LGR5: variants seen among roughly 807,000 people sequenced by gnomAD.
LGR5 encodes the protein leucine-rich repeat-containing G protein-coupled receptor 5.
Under a neutral mutation model 76.7 loss-of-function variants are expected in LGR5, and 54 were observed. The ratio of observed to expected loss-of-function variants is 0.70; its 90% CI spans 0.57 to 0.88. The LOEUF (loss-of-function observed/expected upper bound fraction) is 0.88, where lower values mean the gene tolerates loss of function less well. Ranked by LOEUF, LGR5 falls within the 40% of genes least tolerant of loss-of-function variation. LGR5 has a pLI of 0.00. For missense variants in LGR5, 1,078 were observed against 1,073.3 expected (o/e 1.00, Z -0.06); for synonymous variants, 406 against 421.9 (o/e 0.96, Z 0.46).
At chr12:71,563,711 T>C (rs2464107) in intron 8 of LGR5, among the ~76,000 whole-genome samples, 134,094 of 152,180 alleles carry the variant, frequency 0.88, 61,063 homozygotes, top group East Asian at 1. Context: ...GGGCCCATTT[T>C]AAAAGCCATT....
At chr12:71,446,809 A>C (rs550753386) in intron 1 of LGR5, among the ~76,000 whole-genome samples, 1 of 152,320 alleles carries the variant, frequency 6.6e-6, no homozygotes, top group Non-Finnish European at 1.5e-5. Context: ...TGAGCATTAC[A>C]TTATATAGTT....
intron 2 of LGR5, among the ~76,000 whole-genome samples, chr12:71,520,200 A>G (rs1875658123): frequency 6.6e-6 from 1 of 152,252 alleles, no homozygotes; most frequent in Non-Finnish European, 1.5e-5. Context: ...TATACCTACA[A>G]TGGTACATTA....
chr12:71,451,657 C>T (rs75503802), intron 1 of LGR5, among the ~76,000 whole-genome samples: 1 of 152,280 alleles, frequency 6.6e-6, no homozygotes, highest in Non-Finnish European at 1.5e-5. Context: ...ACTTGATCAC[C>T]ATATTTCATC....
chr12:71,461,811 C>T (rs758679927), intron 1 of LGR5, among the ~76,000 whole-genome samples: 72 of 152,128 alleles, frequency 4.7e-4, no homozygotes, highest in Non-Finnish European at 1.2e-4. Context: ...CTGTCTAGTC[C>T]AAATGGCCTT....
intron 2 of LGR5, among the ~76,000 whole-genome samples, chr12:71,514,027 G>A (rs573712561): frequency 2.0e-5 from 3 of 152,232 alleles, no homozygotes; most frequent in Admixed American, 1.3e-4. Context: ...CGTACCTGTA[G>A]TCCCAGCTAC....
chr12:71,556,129 A>G (rs1877745502), intron 5 of LGR5, among the ~76,000 whole-genome samples: 3 of 152,146 alleles, frequency 2.0e-5, no homozygotes, highest in African/African-American at 7.2e-5. Flanking sequence ...GGGAGCACAC[A>G]TGGACACACA....
chr12:71,493,283 A>G (rs969418818), intron 1 of LGR5, among the ~76,000 whole-genome samples: 1 of 151,146 alleles, frequency 6.6e-6, no homozygotes, highest in Admixed American at 6.6e-5. Context: ...GGCTTATCCC[A>G]TCCTGCTCTT....
chr12:71,537,808 A>G (rs955730565), intron 4 of LGR5, among the ~76,000 whole-genome samples: 2 of 152,168 alleles, frequency 1.3e-5, no homozygotes, highest in South Asian at 2.1e-4. Context: ...CAATAAAGTA[A>G]TGATGAGAGT....
intron 1 of LGR5, among the ~76,000 whole-genome samples, chr12:71,498,956 A>G (rs1874464288): frequency 6.6e-6 from 1 of 152,212 alleles, no homozygotes; most frequent in Admixed American, 6.5e-5. Flanking sequence ...CCATGGGAGT[A>G]AGTTGAGCAA....
intron 1 of LGR5, among the ~76,000 whole-genome samples, chr12:71,471,539 G>A (rs1873102074): frequency 6.6e-6 from 1 of 152,122 alleles, no homozygotes. Context: ...GTTAGATTTT[G>A]GTAATGGTTG....
rs151068067 is a variant in LGR5, at chr12:71,488,849, G to C, written c.213-15765G>C. On this transcript the variant is annotated intron_variant, in intron 1 of 17. Coordinates refer to ENST00000266674, the MANE Select transcript of LGR5 (RefSeq NM_003667.4). Reference sequence around the variant, plus strand: ...CTTGTAACATTTTGAAAGGACTGAGGATGATAAGGGCAATGGTAATGCCAT... The same window carrying C: ...CTTGTAACATTTTGAAAGGACTGAGCATGATAAGGGCAATGGTAATGCCAT... 3.1e-3 allele frequency among the ~76,000 whole-genome samples: 466 copies of C among 152,254 alleles called. 2 individuals carry two copies. Among genetic ancestry groups the C allele is most frequent in the Non-Finnish European group, 4.9e-3 (334 of 68,024 alleles).
chr12:71,469,269 T>C (rs566640613), intron 1 of LGR5, among the ~76,000 whole-genome samples: 1 of 152,348 alleles, frequency 6.6e-6, no homozygotes, highest in African/African-American at 2.4e-5. Context: ...TTTTAAAATA[T>C]TACCCAGTCA....
At chr12:71,488,553 G>A (rs931898677) in intron 1 of LGR5, among the ~76,000 whole-genome samples, 2 of 152,182 alleles carry the variant, frequency 1.3e-5, no homozygotes, top group African/African-American at 4.8e-5. Context: ...TGGGTCATGG[G>A]AAGCTTTCTT....
Position 71,440,574 on chromosome 12 carries a change from A to G in LGR5, c.212+282A>G, listed in dbSNP as rs953670981. ...CCCAGTCCAGCGCTAGAAACATCGCAGGGCGAATTCCTGCAAATGCAGGCA... is the reference window on the plus strand; with the variant it reads ...CCCAGTCCAGCGCTAGAAACATCGCGGGGCGAATTCCTGCAAATGCAGGCA... On this transcript the variant is annotated intron_variant, in intron 1 of 17. Transcript: ENST00000266674. This position sits in a 1 kb window ranked among gnomAD's most constrained non-coding sequence, Gnocchi z 5.3. Among the ~76,000 whole-genome samples the G allele has an allele frequency of 1.3e-5, 2 of 152,204 alleles. No individual in the cohort carries two copies. The highest frequency in any genetic ancestry group is 2.9e-5 in the Non-Finnish European group (2 of 68,038).
chr12:71,488,803 A>G (rs769711086), intron 1 of LGR5, among the ~76,000 whole-genome samples: 8 of 152,182 alleles, frequency 5.3e-5, no homozygotes, highest in African/African-American at 1.9e-4. Context: ...AGGTAATTTT[A>G]GTTTCAAGAT....
chr12:71,456,784 A>G (rs1471471943), intron 1 of LGR5, among the ~76,000 whole-genome samples: 1 of 152,210 alleles, frequency 6.6e-6, no homozygotes, highest in African/African-American at 2.4e-5. Flanking sequence ...AATTTGGGGA[A>G]TTCGGCAACA....
At chr12:71,514,293 G>A (rs908820541) in intron 2 of LGR5, among the ~76,000 whole-genome samples, 1 of 151,438 alleles carries the variant, frequency 6.6e-6, no homozygotes, top group Non-Finnish European at 1.5e-5. Flanking sequence ...CAGGGGCAGG[G>A]CACGGTGGCT....
At chr12:71,439,779 G>T, upstream of LGR5, 1 of 365,220 alleles carries the variant, frequency 2.7e-6, no homozygotes, top group South Asian at 5.8e-5. Flanking sequence ...TAAAAAACGA[G>T]CGTGCAAGCA....
chr12:71,543,701 A>G (rs1014295379), intron 4 of LGR5, among the ~76,000 whole-genome samples: 95 of 152,364 alleles, frequency 6.2e-4, no homozygotes, highest in African/African-American at 2.3e-3. Context: ...GATTAATTGA[A>G]GAGATAAGAG....
Sources: allele counts gnomAD v4.1 joint callset (sites outside exome capture counted in the v4.1 genomes callset), GRCh38; gene constraint gnomAD v4.1.1; non-coding constraint Gnocchi (gnomAD v3.1); transcripts MANE v1.5; gene names NCBI Gene and HGNC (gene_info 2026-07-23, HGNC 2026-07-21).